Variants in PARP4 observed in about 807,000 individuals in gnomAD.
PARP4 encodes the protein poly(ADP-ribose) polymerase family member 4.
Under a neutral mutation model 187.7 loss-of-function variants are expected in PARP4, and 120 were observed. That is an observed-to-expected ratio of 0.64 (90% CI 0.55 to 0.74). PARP4 has a LOEUF of 0.74. Ranked by LOEUF, PARP4 falls within the 30% of genes least tolerant of loss-of-function variation. The pLI is 0.00. For missense variants in PARP4, 1,836 were observed against 2,070.5 expected, an observed-to-expected ratio of 0.89 and a Z score of 2.20; for synonymous variants, 654 against 740.9, an observed-to-expected ratio of 0.88 and a Z score of 1.90.
At chr13:24,423,302 G>A (rs1276473250) in intron 33 of PARP4, among the ~76,000 whole-genome samples, 2 of 152,126 alleles carry the variant, frequency 1.3e-5, no homozygotes, top group Non-Finnish European at 2.9e-5. Flanking sequence ...AGAACTTTGA[G>A]AGGCCAATGC....
In PARP4 at chr13:24,505,175, A is replaced by C. The variant is rs140276987; in HGVS notation, c.-1-1398T>G. Among the ~76,000 whole-genome samples the C allele has an allele frequency of 3.4e-3, 514 of 152,226 alleles. 5 individuals carry two copies. Among genetic ancestry groups the C allele is most frequent in the Middle Eastern group, 0.027 (8 of 294 alleles). On this transcript the variant is annotated intron_variant, in intron 1 of 33. Coordinates refer to ENST00000381989, the MANE Select transcript of PARP4 (RefSeq NM_006437.4). ...ACACACAGAGGAGAAAGAAAGAGAGAGGAGACAGAGCTAGAGAGCGCGAGC... is the reference window on the plus strand; with the variant it reads ...ACACACAGAGGAGAAAGAAAGAGAGCGGAGACAGAGCTAGAGAGCGCGAGC...
chr13:24,473,849 G>A (rs554178319), intron 15 of PARP4, among the ~76,000 whole-genome samples: 2 of 152,004 alleles, frequency 1.3e-5, no homozygotes, highest in South Asian at 2.1e-4. Flanking sequence ...AGCTGTCCTC[G>A]TGTGTCTCCA....
chr13:24,458,345 G>C (rs1371182949), intron 20 of PARP4, among the ~76,000 whole-genome samples: 1 of 151,782 alleles, frequency 6.6e-6, no homozygotes, highest in Non-Finnish European at 1.5e-5. Flanking sequence ...TCCTGACCTC[G>C]TGATCCACCC....
Position 24,434,375 on chromosome 13 carries a change from A to C in PARP4, c.4746+20T>G, listed in dbSNP as rs1440293118. The C allele has an allele frequency of 4.0e-6, 6 of 1,517,002 alleles. No homozygotes were observed. In the Admixed American group the frequency reaches 8.8e-5, roughly 22 times the overall value. The allele number at this position is 1,517,002 out of a possible 1,614,324, so 94.0% of individuals were successfully genotyped here. On this transcript the variant is annotated intron_variant, in intron 31 of 33. Transcript: ENST00000381989. ...ATGAAGCCAGCCAACCACAGATTTA[A>C]GGAGAAATAAGACACATACCTCTGT...
intron 15 of PARP4, among the ~76,000 whole-genome samples, chr13:24,473,379 G>A (rs769944112): frequency 1.3e-5 from 2 of 152,170 alleles, no homozygotes; most frequent in Non-Finnish European, 2.9e-5. Flanking sequence ...ACAAAGAAAT[G>A]TTAAATAAAT....
At position 24,449,746 on chromosome 13, in the gene PARP4, G is replaced by C; in HGVS notation, c.3086C>G (p.Ala1029Gly). 1 of 1,604,724 alleles carries C rather than the reference G, an allele frequency of 6.2e-7. No homozygotes were observed. Among genetic ancestry groups the C allele is most frequent in the Non-Finnish European group, 8.5e-7 (1 of 1,172,628 alleles). ...CGAGVFEYFNAKSKHSWRKQI... is the reference protein window; with the variant it reads ...CGAGVFEYFNGKSKHSWRKQI... ...TTTTCTCCAACTATGCTTGGATTTT[G>C]CATTAAAATATTCAAATACTCCGGC... The change falls in exon 25 of 34, where the codon GCA (alanine) becomes GGA (glycine). Residue 1029 changes from alanine (A) to glycine (G), a missense_variant. Ala to Gly is a moderately conservative substitution (Grantham distance 60, BLOSUM62 0). Transcript: ENST00000381989.
chr13:24,458,109 ATTTTT>A, intron 20 of PARP4, among the ~76,000 whole-genome samples: 1 of 139,342 alleles, frequency 7.2e-6, no homozygotes. Flanking sequence ...TGTCTCTACA[ATTTTT>A]TTTTTTTTTT....
Position 24,492,470 on chromosome 13 carries a change from G to A in PARP4, c.1004C>T (p.Pro335Leu). The change falls in exon 9 of 34, where the codon CCC (proline) becomes CTC (leucine). Residue 335 changes from proline (P) to leucine (L), a missense_variant. By Grantham distance (98) the Pro-to-Leu change is moderately conservative. Around this residue, in one of 8 missense-constraint regions of PARP4, gnomAD observed 1,147 missense variants for 1,214.2 expected, o/e 0.94. Transcript: ENST00000381989. ...YRLIPHKGTM[P>L]KEVNLGLLAK... Reference sequence around the variant, plus strand: ...CAATAGTCCCAGGTTCACTTCTTTGGGCATTGTGCCTTTGTGAGGTATCAG... The same window carrying A: ...CAATAGTCCCAGGTTCACTTCTTTGAGCATTGTGCCTTTGTGAGGTATCAG... 1 of 1,613,934 alleles carries A rather than the reference G, an allele frequency of 6.2e-7. No homozygotes were observed. Among genetic ancestry groups the A allele is most frequent in the Non-Finnish European group, 8.5e-7 (1 of 1,179,928 alleles).
intron 15 of PARP4, among the ~76,000 whole-genome samples, chr13:24,473,450 G>C (rs954819290): frequency 6.6e-6 from 1 of 152,090 alleles, no homozygotes; most frequent in Non-Finnish European, 1.5e-5. Flanking sequence ...GTAAAATTCA[G>C]AACAGTTTAC....
intron 12 of PARP4, among the ~76,000 whole-genome samples, chr13:24,481,562 A>G (rs889627008): frequency 6.6e-6 from 1 of 152,152 alleles, no homozygotes; most frequent in African/African-American, 2.4e-5. Flanking sequence ...GCGTGGTGGC[A>G]TGCGCCTGTA....
intron 8 of PARP4, 143 bp from the exon 9 acceptor site, chr13:24,492,737 C>A: frequency 1.4e-6 from 1 of 693,360 alleles, no homozygotes; most frequent in Non-Finnish European, 2.4e-6. Flanking sequence ...AAATGCTGAT[C>A]TTTATTGGAG....
At chr13:24,506,326 G>A (rs1008072247) in intron 1 of PARP4, among the ~76,000 whole-genome samples, 1 of 152,122 alleles carries the variant, frequency 6.6e-6, no homozygotes, top group African/African-American at 2.4e-5. Context: ...AAGGCAGTGC[G>A]GACCCAAACA....
chr13:24,491,526 C>T (rs1361974742), intron 9 of PARP4, among the ~76,000 whole-genome samples: 1 of 152,152 alleles, frequency 6.6e-6, no homozygotes, highest in Non-Finnish European at 1.5e-5. Flanking sequence ...TTACTGATTC[C>T]TCTGGGAATC....
intron 8 of PARP4, among the ~76,000 whole-genome samples, chr13:24,493,331 G>GC (rs2137533324): frequency 6.6e-6 from 1 of 152,282 alleles, no homozygotes; most frequent in Admixed American, 6.5e-5. Context: ...AGAGGATCAG[G>GC]CCTCCTAATT....
intron 17 of PARP4, among the ~76,000 whole-genome samples, chr13:24,460,455 C>T (rs1157090270): frequency 8.1e-6 from 1 of 124,190 alleles, no homozygotes; most frequent in Non-Finnish European, 1.9e-5. Flanking sequence ...GGCTCTGCTG[C>T]ACGGGTGGGC....
rs143205241 is a variant in PARP4, at chr13:24,459,060, T to C, written c.2408A>G (p.His803Arg). ...TGCACTAACCTTTTGTTTCAGTTCATGTGTATCACTGAAAATGAATTCAAT... is the reference window on the plus strand; with the variant it reads ...TGCACTAACCTTTTGTTTCAGTTCACGTGTATCACTGAAAATGAATTCAAT... ...YVIEFIFSDT[H>R]ELKQKRTDCK... Residue 803 changes from histidine (H) to arginine (R), a missense_variant, in exon 20 of 34, where the codon CAT becomes CGT. Physicochemically the swap from His to Arg is conservative, Grantham distance 29. Coordinates refer to ENST00000381989, the MANE Select transcript of PARP4 (RefSeq NM_006437.4). The C allele has an allele frequency of 1.4e-4, 228 of 1,602,738 alleles. No homozygotes were observed. In the African/African-American group the frequency reaches 2.5e-3, roughly 18 times the overall value.
At chr13:24,477,315 A>G (rs1873036030) in intron 14 of PARP4, among the ~76,000 whole-genome samples, 1 of 148,494 alleles carries the variant, frequency 6.7e-6, no homozygotes, top group Non-Finnish European at 1.5e-5. Context: ...ATTTGTCTCT[A>G]AAAAAAAAAG....
chr13:24,442,499 A>G (rs2137453958), intron 29 of PARP4, 91 bp downstream of exon 29: 3 of 953,086 alleles, frequency 3.1e-6, no homozygotes, highest in Non-Finnish European at 5.0e-6. Context: ...CAGGGTGTGG[A>G]TGTCGTCATT....
chr13:24,435,446 T>G lies in PARP4; in HGVS notation c.3695A>C (p.Glu1232Ala). The change falls in exon 31 of 34, where the codon GAA (glutamate) becomes GCA (alanine). Residue 1232 changes from glutamate to alanine, a missense_variant. This residue lies in a region of PARP4 where 450 missense variants were observed against 439.2 expected (regional missense o/e 1.02). Transcript: ENST00000381989. ...ATGTTTTCGTTTGGATAAACGTAAT[T>G]CTGGCCACTCAGAGGATGCTAAAAG... ...QSLLASSEWP[E>A]LRLSKRKHRK... 6.2e-7 allele frequency: 1 copy of G among 1,605,746 alleles called. No individual in the cohort carries two copies. The highest frequency in any genetic ancestry group is 8.5e-7 in the Non-Finnish European group (1 of 1,177,848).
Sources: allele counts gnomAD v4.1 joint callset (sites outside exome capture counted in the v4.1 genomes callset), GRCh38; gene constraint gnomAD v4.1.1; regional missense constraint gnomAD v4.1.1; transcripts MANE v1.5; gene names NCBI Gene and HGNC (gene_info 2026-07-23, HGNC 2026-07-21).